Variants in FRMPD4 observed in about 807,000 individuals in gnomAD.
The protein encoded by FRMPD4 is FERM and PDZ domain containing 4.
FRMPD4 carries 22 observed loss-of-function variants against 94.1 expected under a neutral mutation model. The ratio of observed to expected loss-of-function variants is 0.23; its 90% CI spans 0.17 to 0.33. The LOEUF (loss-of-function observed/expected upper bound fraction) is 0.33, where lower values mean the gene tolerates loss of function less well. Among genes scored for constraint, FRMPD4 ranks in the 10% least tolerant of loss-of-function variants. FRMPD4 has a pLI of 1.00. For missense variants in FRMPD4, 1,111 were observed against 1,339.9 expected (o/e 0.83, Z 2.67); for synonymous variants, 631 against 548.6 (o/e 1.15, Z -2.10).
intron 1 of FRMPD4, among the ~76,000 whole-genome samples, chrX:11,826,205 G>A (rs981497890): frequency 2.7e-5 from 3 of 111,964 alleles, no homozygotes; most frequent in African/African-American, 3.2e-5. Context: ...GCCAAAGATT[G>A]AAATAGTCAC....
intron 1 of FRMPD4, among the ~76,000 whole-genome samples, chrX:12,355,459 T>A (rs1047582658): frequency 8.9e-6 from 1 of 112,366 alleles, no homozygotes; most frequent in African/African-American, 3.2e-5. Context: ...GAATTTCAGG[T>A]ATGAACCACT....
chrX:12,473,904 G>A (rs1316473609), intron 1 of FRMPD4, among the ~76,000 whole-genome samples: 7 of 109,029 alleles, frequency 6.4e-5, no homozygotes, highest in African/African-American at 1.7e-4. Context: ...TACACAGATC[G>A]ACAAGACAGA....
intron 3 of FRMPD4, among the ~76,000 whole-genome samples, chrX:12,042,856 A>G (rs1444067385): frequency 8.9e-6 from 1 of 111,853 alleles, no homozygotes; most frequent in Non-Finnish European, 1.9e-5. Flanking sequence ...TGAGTTTGCT[A>G]CTTTTACTGA....
chrX:12,459,657 C>A (rs1030018760), intron 1 of FRMPD4, among the ~76,000 whole-genome samples: 1 of 111,922 alleles, frequency 8.9e-6, no homozygotes, highest in African/African-American at 3.2e-5. Flanking sequence ...CAGTGGTATT[C>A]CATACTATAG....
chrX:12,144,222 T>C (rs1454192956), intron 1 of FRMPD4, among the ~76,000 whole-genome samples: 4 of 112,298 alleles, frequency 3.6e-5, no homozygotes, highest in Admixed American at 9.5e-5. Context: ...AGGTAGGCTG[T>C]ATCAATTTGG....
chrX:12,565,223 C>G (rs1466999912), intron 2 of FRMPD4, among the ~76,000 whole-genome samples: 1 of 111,426 alleles, frequency 9.0e-6, no homozygotes, highest in Non-Finnish European at 1.9e-5. Context: ...CAGAAAAATT[C>G]CAAATAATTT....
intron 1 of FRMPD4, among the ~76,000 whole-genome samples, chrX:12,173,694 T>G (rs2056258023): frequency 1.8e-5 from 2 of 111,265 alleles, no homozygotes; most frequent in East Asian, 5.7e-4. Context: ...AACATTAAAG[T>G]GGGGCCTCTG....
intron 1 of FRMPD4, among the ~76,000 whole-genome samples, chrX:12,453,814 T>C (rs10521626): frequency 0.1 from 11,273 of 111,836 alleles, 460 homozygotes; most frequent in Non-Finnish European, 0.13. Flanking sequence ...TTTGATGATT[T>C]GCATGGATTA....
intron 1 of FRMPD4, among the ~76,000 whole-genome samples, chrX:12,438,523 G>A (rs192192253): frequency 3.6e-5 from 4 of 110,548 alleles, no homozygotes; most frequent in African/African-American, 1.3e-4. Flanking sequence ...TCCTAGTAAT[G>A]ATATGGAGAA....
intron 1 of FRMPD4, among the ~76,000 whole-genome samples, chrX:11,862,032 C>T (rs2053690338): frequency 9.1e-6 from 1 of 110,227 alleles, no homozygotes; most frequent in Admixed American, 9.7e-5. Flanking sequence ...GGGGGAGGTG[C>T]CACACACTTT....
At chrX:12,137,141 C>T (rs1489993350), upstream of FRMPD4, among the ~76,000 whole-genome samples, 1 of 111,895 alleles carries the variant, frequency 8.9e-6, no homozygotes, top group South Asian at 3.8e-4. Flanking sequence ...TCGCCCCTTC[C>T]GATCCTTGAG....
intron 3 of FRMPD4, among the ~76,000 whole-genome samples, chrX:11,956,058 A>T (rs1349720041): frequency 8.9e-6 from 1 of 112,113 alleles, no homozygotes; most frequent in African/African-American, 3.2e-5. Flanking sequence ...CTCATCTGTG[A>T]ACCATAATGA....
intron 1 of FRMPD4, among the ~76,000 whole-genome samples, chrX:12,403,366 C>CT (rs113869492): frequency 0.032 from 3,439 of 106,826 alleles, 149 homozygotes; most frequent in African/African-American, 0.12. Context: ...TCCTAGAACA[C>CT]TTTTTTCCCC....
chrX:12,370,265 G>A (rs903679575), intron 1 of FRMPD4, among the ~76,000 whole-genome samples: 4 of 111,867 alleles, frequency 3.6e-5, no homozygotes, highest in African/African-American at 9.8e-5. Flanking sequence ...CAACCCAGGA[G>A]TTTGAGACCA....
intron 2 of FRMPD4, among the ~76,000 whole-genome samples, chrX:12,534,731 G>A (rs1304157904): frequency 5.3e-5 from 6 of 112,640 alleles, no homozygotes. Flanking sequence ...ATTTGGGATG[G>A]CTATATTTAC....
intron 1 of FRMPD4, among the ~76,000 whole-genome samples, chrX:12,213,270 G>A (rs969595082): frequency 8.9e-6 from 1 of 112,100 alleles, no homozygotes; most frequent in African/African-American, 3.2e-5. Context: ...TTGACACATA[G>A]TAGAGATTTA....
At chrX:12,230,687 C>T (rs1040732050) in intron 1 of FRMPD4, among the ~76,000 whole-genome samples, 2 of 106,949 alleles carry the variant, frequency 1.9e-5, no homozygotes, top group African/African-American at 6.8e-5. Flanking sequence ...TGATTGAACT[C>T]AGGACATAAA....
chrX:12,119,785 C>A (rs1009312397), intron 3 of FRMPD4, among the ~76,000 whole-genome samples: 3 of 112,081 alleles, frequency 2.7e-5, no homozygotes, highest in East Asian at 5.6e-4. Context: ...TCATTCGCAC[C>A]GCAAAGCTAT....
chrX:12,714,199 A>T (rs7890017), intron 14 of FRMPD4, among the ~76,000 whole-genome samples: 2,950 of 111,964 alleles, frequency 0.026, 87 homozygotes, highest in African/African-American at 0.086. Flanking sequence ...TTTAAACAAC[A>T]TAAGTTTATC....
Sources: gnomAD v4.1 joint callset for allele counts (sites outside exome capture counted in the v4.1 genomes callset) on GRCh38, gnomAD v4.1.1 for gene constraint, MANE v1.5 for transcripts, NCBI Gene and HGNC (gene_info 2026-07-23, HGNC 2026-07-21) for gene names.